Variants in TMTC4 observed in about 807,000 individuals in gnomAD.
The protein encoded by TMTC4 is protein O-mannosyl-transferase TMTC4.
TMTC4 carries 65 observed loss-of-function variants against 86.0 expected under a neutral mutation model. The ratio of observed to expected loss-of-function variants is 0.76; its 90% CI spans 0.62 to 0.93. TMTC4 has a LOEUF of 0.93. Among genes scored for constraint, TMTC4 ranks in the 40% least tolerant of loss-of-function variants. The pLI is 0.00. For missense variants in TMTC4, 866 were observed against 948.1 expected (o/e 0.91, Z 1.14); for synonymous variants, 379 against 382.5 (o/e 0.99, Z 0.11).
intron 12 of TMTC4, 43 bp downstream of exon 12, chr13:100,634,762 A>G (rs1327500512): frequency 6.3e-7 from 1 of 1,587,224 alleles, no homozygotes; most frequent in Admixed American, 1.8e-5. Context: ...CTTAACAGAT[A>G]CCCTAGTAAG....
chr13:100,628,609 AAG>A (rs769281061), intron 12 of TMTC4, among the ~76,000 whole-genome samples: 11 of 152,268 alleles, frequency 7.2e-5, no homozygotes, highest in Non-Finnish European at 5.9e-5. Flanking sequence ...ATTTAAAAAA[AAG>A]AGAGAATGAG....
intron 15 of TMTC4, among the ~76,000 whole-genome samples, chr13:100,621,992 C>G (rs575473102): frequency 1.3e-5 from 2 of 152,202 alleles, no homozygotes; most frequent in African/African-American, 4.8e-5. Flanking sequence ...ACAGCCTCCC[C>G]TTCCCCCTGG....
chr13:100,612,609 C>CCTACTTAATAATGAATAAACTACTT, intron 16 of TMTC4, 99 bp from the exon 17 acceptor site: 1 of 757,920 alleles, frequency 1.3e-6, no homozygotes, highest in Admixed American at 2.7e-5. Flanking sequence ...CAGCACATGA[C>CCTACTTAATAATGAATAAACTACTT]AATTATGAAT....
intron 5 of TMTC4, among the ~76,000 whole-genome samples, chr13:100,659,304 G>A (rs1885483812): frequency 6.6e-6 from 1 of 152,186 alleles, no homozygotes; most frequent in African/African-American, 2.4e-5. Context: ...GTCTCACTCT[G>A]TTTTCCAGGC....
chr13:100,619,341 A>G (rs1321827571), intron 15 of TMTC4, among the ~76,000 whole-genome samples: 1 of 133,262 alleles, frequency 7.5e-6, no homozygotes, highest in Non-Finnish European at 1.5e-5. Flanking sequence ...ACACACACAC[A>G]CACACACACA....
intron 7 of TMTC4, chr13:100,638,633 G>A (rs1882592873): frequency 6.6e-6 from 1 of 152,244 alleles, no homozygotes; most frequent in African/African-American, 2.4e-5. Flanking sequence ...AAACTAGGTT[G>A]CGGGGCTGAG....
chr13:100,619,374 C>G (rs929562857), intron 15 of TMTC4, among the ~76,000 whole-genome samples: 28 of 138,084 alleles, frequency 2.0e-4, no homozygotes, highest in African/African-American at 4.5e-4. Flanking sequence ...CACACACACA[C>G]AGTGATGGAT....
chr13:100,618,738 T>C (rs1228776805), intron 15 of TMTC4, among the ~76,000 whole-genome samples: 2 of 152,182 alleles, frequency 1.3e-5, no homozygotes, highest in Non-Finnish European at 2.9e-5. Flanking sequence ...AAGCACATCT[T>C]GCACCGCCCT....
rs1388708815 is a variant in TMTC4, at chr13:100,668,709, A to C, written c.89T>G (p.Ile30Ser). ...TGGAGGAAGAACAGAAGATGGAAGA[A>C]TGTGATCCAAATCAGTGTCCAACAC... The part of the protein sequence containing the change: ...MAVLDTDLDH[I>S]LPSSVLPPFW... The change falls in exon 3 of 19, where the codon ATT (isoleucine) becomes AGT (serine). Residue 30 changes from isoleucine to serine, a missense_variant. Coordinates refer to ENST00000342624, the MANE Select transcript of TMTC4 (RefSeq NM_032813.5). 5 of 1,614,136 alleles carry C rather than the reference A, an allele frequency of 3.1e-6. No individual in the cohort carries two copies. Among genetic ancestry groups the C allele is most frequent in the Non-Finnish European group, 4.2e-6 (5 of 1,180,046 alleles).
At chr13:100,664,366 C>T in intron 3 of TMTC4, 30 bp from the exon 4 acceptor site, 1 of 1,549,030 alleles carries the variant, frequency 6.5e-7, no homozygotes. Context: ...ATGTTCTGGA[C>T]AAGGGTCTCC....
chr13:100,636,714 G>A lies in TMTC4; in HGVS notation c.1020C>T (p.Tyr340=). Residue 340 remains tyrosine (Y), a synonymous_variant, in exon 10 of 19, where the codon TAC becomes TAT. Transcript: ENST00000342624. ...GCAGCAGCCAGGCATTCAATGAATA[G>A]TAGTAATTGTAGTTTACGGCCTGCC... The part of the protein sequence containing the change: ...MLVRAVNYNY[Y]YSLNAWLLLC... The A allele has an allele frequency of 1.9e-6, 3 of 1,614,134 alleles. No individual in the cohort carries two copies. The highest frequency in any genetic ancestry group is 2.5e-6 in the Non-Finnish European group (3 of 1,179,990).
intron 1 of TMTC4, chr13:100,674,036 A>C (rs1317815214): frequency 1.0e-6 from 1 of 985,204 alleles, no homozygotes; most frequent in Non-Finnish European, 1.2e-6. Context: ...AAAAACACAC[A>C]CGCAGCCCAT....
chr13:100,654,408 T>C (rs1214545284), intron 6 of TMTC4, among the ~76,000 whole-genome samples: 1 of 152,198 alleles, frequency 6.6e-6, no homozygotes, highest in Non-Finnish European at 1.5e-5. Context: ...TATGTCAGTA[T>C]TGAAATATAC....
chr13:100,666,018 G>A (rs1433723037), intron 3 of TMTC4: 1 of 456,650 alleles, frequency 2.2e-6, no homozygotes, highest in Admixed American at 2.3e-5. Context: ...AAGGGCTTCG[G>A]CAGAGGATCT....
At chr13:100,651,896 T>C (rs531113280) in intron 6 of TMTC4, among the ~76,000 whole-genome samples, 1 of 152,328 alleles carries the variant, frequency 6.6e-6, no homozygotes, top group East Asian at 1.9e-4. Flanking sequence ...AAAAATGACT[T>C]GTCTACCACC....
rs1179295024 is a variant in TMTC4 at position 100,636,710 on chromosome 13, A to T, written c.1024T>A (p.Ser342Thr). The stretch of plus-strand genomic sequence containing the variant: ...CACAGCAGCAGCCAGGCATTCAATG[A>T]ATAGTAGTAATTGTAGTTTACGGCC... ...VRAVNYNYYYSLNAWLLLCPW... is the reference protein window; with the variant it reads ...VRAVNYNYYYTLNAWLLLCPW... The change falls in exon 10 of 19, where the codon TCA becomes ACA. Residue 342 changes from serine (S) to threonine (T), a missense_variant. Ser to Thr is a moderately conservative substitution (Grantham distance 58). Transcript: ENST00000342624. 6.2e-7 allele frequency: 1 copy of T among 1,614,042 alleles called. No homozygotes were observed. The highest frequency in any genetic ancestry group is 1.3e-5 in the African/African-American group (1 of 74,940).
chr13:100,607,456 G>A (rs563316460), intron 17 of TMTC4, among the ~76,000 whole-genome samples: 29 of 152,020 alleles, frequency 1.9e-4, no homozygotes, highest in African/African-American at 6.8e-4. Context: ...GGAGGAGGTT[G>A]CGGTGAGCCG....
At chr13:100,663,964 T>C (rs1338962967) in intron 4 of TMTC4, among the ~76,000 whole-genome samples, 2 of 152,186 alleles carry the variant, frequency 1.3e-5, no homozygotes, top group Non-Finnish European at 2.9e-5. Flanking sequence ...TATTATTCCA[T>C]TGGTGTTAAC....
rs371682760 is a variant in TMTC4, at chr13:100,659,365, T to A, written c.553-2897A>T. 1.2e-4 allele frequency among the ~76,000 whole-genome samples: 18 copies of A among 152,322 alleles called. No individual in the cohort carries two copies. The East Asian group carries it at 3.5e-3, about 29-fold the overall frequency. The stretch of plus-strand genomic sequence containing the variant: ...TCACTGCAGCCTCAAACTCCTGGGC[T>A]TGGGCAGTCCTCCTGCCTCAGCTTC... On this transcript the variant is annotated intron_variant, in intron 5 of 18. Coordinates refer to ENST00000342624, the MANE Select transcript of TMTC4 (RefSeq NM_032813.5).
Sources: allele counts gnomAD v4.1 joint callset (sites outside exome capture counted in the v4.1 genomes callset), GRCh38; gene constraint gnomAD v4.1.1; transcripts MANE v1.5; gene names NCBI Gene and HGNC (gene_info 2026-07-23, HGNC 2026-07-21).